Variants in NLRP8 observed in about 807,000 individuals in gnomAD.
NLRP8 encodes NLR family pyrin domain containing 8, also known as NACHT, LRR and PYD domains-containing protein 8.
Under a neutral mutation model 88.7 loss-of-function variants are expected in NLRP8, and 86 were observed. The observed-to-expected ratio is 0.97, with a 90% CI of 0.81 to 1.16. The LOEUF (loss-of-function observed/expected upper bound fraction) is 1.16. Among genes scored for constraint, NLRP8 ranks in the 50% most tolerant of loss-of-function variants. The pLI, the probability that NLRP8 is intolerant of heterozygous loss-of-function variation, is 0.00. For missense variants in NLRP8, 1,342 were observed against 1,286.5 expected, an observed-to-expected ratio of 1.04 and a Z score of -0.66; for synonymous variants, 504 against 494.6, an observed-to-expected ratio of 1.02 and a Z score of -0.25.
intron 9 of NLRP8, among the ~76,000 whole-genome samples, chr19:55,980,532 G>A (rs1568469575): frequency 5.9e-5 from 9 of 152,202 alleles, no homozygotes. Context: ...ACTGGCTGGG[G>A]TTTGATGAGG....
chr19:55,972,675 C>T lies in NLRP8; in HGVS notation c.2535-977C>T, dbSNP rs188476977. Among the ~76,000 whole-genome samples, 72 of 151,834 alleles carry T rather than the reference C, an allele frequency of 4.7e-4. No individual in the cohort carries two copies. In the South Asian group the frequency reaches 0.013, roughly 27 times the overall value. ...GCTCCCACATATGAGTGAGAACATA[C>T]GACGTTTGGTTTCCATTCCTGAGTT... is the stretch of plus-strand genomic sequence containing the variant. On this transcript the variant is annotated intron_variant, in intron 6 of 9. Coordinates refer to ENST00000291971, the MANE Select transcript of NLRP8 (RefSeq NM_176811.2).
intron 6 of NLRP8, among the ~76,000 whole-genome samples, chr19:55,973,305 G>A (rs567673771): frequency 6.6e-6 from 1 of 151,558 alleles, no homozygotes; most frequent in Non-Finnish European, 1.5e-5. Context: ...TTTTTTTCTT[G>A]CTGATTTGTT....
chr19:55,955,837 G>C lies in NLRP8; in HGVS notation c.1779G>C (p.Leu593=). The C allele has an allele frequency of 6.2e-7, 1 of 1,614,180 alleles. No homozygotes were observed. The highest frequency in any genetic ancestry group is 1.7e-5 in the Admixed American group (1 of 60,020). The change falls in exon 3 of 10, where the codon CTG becomes CTC. Residue 593 remains leucine, a synonymous_variant. Coordinates refer to ENST00000291971, the MANE Select transcript of NLRP8 (RefSeq NM_176811.2). ...GGAAACTGCTGAAAGTCATACCTCT[G>C]TTGCATAAATGTGACCCACCTTCTC...
rs1030417466 is a variant in NLRP8 at position 55,988,063 on chromosome 19, C to A, written c.*150C>A. On this transcript the variant is annotated 3_prime_UTR_variant, in exon 10 of 10. Coordinates refer to ENST00000291971, the MANE Select transcript of NLRP8 (RefSeq NM_176811.2). The stretch of plus-strand genomic sequence containing the variant: ...ACACCACAGAACCTCAGCTTTGAAC[C>A]CTGGAGTGAGGACGGTGATGCCCTG... 57 of 631,778 alleles carry A rather than the reference C, an allele frequency of 9.0e-5. No homozygotes were observed. Among genetic ancestry groups the A allele is most frequent in the Middle Eastern group, 3.5e-4 (1 of 2,830 alleles). The allele number at this position is 631,778 out of a possible 1,614,324, so 39.1% of individuals were successfully genotyped here.
intron 3 of NLRP8, among the ~76,000 whole-genome samples, chr19:55,961,443 G>C (rs1033429269): frequency 4.6e-5 from 7 of 151,928 alleles, no homozygotes; most frequent in African/African-American, 1.7e-4. Context: ...ATATACACAG[G>C]GTAAGAATGT....
intron 2 of NLRP8, among the ~76,000 whole-genome samples, chr19:55,953,158 A>T (rs1226157855): frequency 1.4e-4 from 21 of 151,986 alleles, no homozygotes; most frequent in Admixed American, 1.3e-3. Context: ...TTCTCATAGG[A>T]GTGCAAACCC....
chr19:55,980,084 T>A (rs1487471930), intron 9 of NLRP8, among the ~76,000 whole-genome samples: 1 of 152,210 alleles, frequency 6.6e-6, no homozygotes, highest in Non-Finnish European at 1.5e-5. Flanking sequence ...TCCTATCTGA[T>A]ATCTTCTTTC....
chr19:55,987,889 C>T lies in NLRP8; in HGVS notation c.3123C>T (p.Asp1041=). ...CACCCGACTTCACGGGAAAAAGTGA[C>T]TGCCTATCCCAGATTAATCCTTAGG... is the stretch of plus-strand genomic sequence containing the variant. Residue 1041 remains aspartate (D), a synonymous_variant, in exon 10 of 10, where the codon GAC becomes GAT. Transcript: ENST00000291971. 1 of 1,613,848 alleles carries T rather than the reference C, an allele frequency of 6.2e-7. No homozygotes were observed. Among genetic ancestry groups the T allele is most frequent in the East Asian group, 2.2e-5 (1 of 44,874 alleles).
At chr19:55,962,292 CA>C (rs1979649856) in intron 4 of NLRP8, 55 bp downstream of exon 4, 1 of 1,539,804 alleles carries the variant, frequency 6.5e-7, no homozygotes, top group Non-Finnish European at 8.8e-7. Context: ...GTCTGTTTCC[CA>C]TCCACTTTCT....
intron 9 of NLRP8, among the ~76,000 whole-genome samples, chr19:55,985,316 T>C (rs980121748): frequency 4.4e-5 from 6 of 137,256 alleles, no homozygotes; most frequent in Admixed American, 2.8e-4. Context: ...AAAATAAAAA[T>C]GAAAAAGAAA....
chr19:55,968,192 C>T (rs1600307879), intron 5 of NLRP8, among the ~76,000 whole-genome samples: 1 of 151,848 alleles, frequency 6.6e-6, no homozygotes, highest in African/African-American at 2.4e-5. Flanking sequence ...TAATCCCAGC[C>T]CTTTGGGAGG....
chr19:55,985,903 C>G (rs571748222), intron 9 of NLRP8, among the ~76,000 whole-genome samples: 1 of 152,120 alleles, frequency 6.6e-6, no homozygotes, highest in Non-Finnish European at 1.5e-5. Flanking sequence ...GTAGTCCCAG[C>G]TTCTCAGGAG....
At chr19:55,986,481 C>CACACAT (rs1555759196) in intron 9 of NLRP8, among the ~76,000 whole-genome samples, 1 of 144,488 alleles carries the variant, frequency 6.9e-6, no homozygotes, top group Non-Finnish European at 1.5e-5. Context: ...CATACACACA[C>CACACAT]ACACACACAC....
chr19:55,973,313 G>A (rs1038456194), intron 6 of NLRP8, among the ~76,000 whole-genome samples: 52 of 151,834 alleles, frequency 3.4e-4, no homozygotes, highest in African/African-American at 1.2e-3. Flanking sequence ...TTGCTGATTT[G>A]TTCTTTGTAG....
chr19:55,987,954 C>T lies in NLRP8; in HGVS notation c.*41C>T, dbSNP rs200326504. 1.4e-6 allele frequency: 2 copies of T among 1,464,150 alleles called. No individual in the cohort carries two copies. The highest frequency in any genetic ancestry group is 1.9e-6 in the Non-Finnish European group (2 of 1,043,758). The allele number at this position is 1,464,150 out of a possible 1,614,324, so 90.7% of individuals were successfully genotyped here. Reference sequence around the variant, plus strand: ...TTCTCTGGGGCTTGATTGATCAGTTCCCACTCTGACAACTGGCAAATACCA... The same window carrying T: ...TTCTCTGGGGCTTGATTGATCAGTTTCCACTCTGACAACTGGCAAATACCA... On this transcript the variant is annotated 3_prime_UTR_variant, in exon 10 of 10. Coordinates refer to ENST00000291971, the MANE Select transcript of NLRP8 (RefSeq NM_176811.2).
rs527337907 is a variant in NLRP8 at position 55,988,099 on chromosome 19, T to C, written c.*186T>C. The C allele has an allele frequency of 6.4e-4, 350 of 544,068 alleles. No homozygotes were observed. The highest frequency in any genetic ancestry group is 1.1e-3 in the Non-Finnish European group (318 of 298,518). 33.7% of individuals were successfully genotyped at this position (544,068 alleles called of 1,614,324 possible). A position where few individuals can be genotyped will look rare whatever the true frequency, so the allele number is the denominator to read the frequency against. On this transcript the variant is annotated 3_prime_UTR_variant, in exon 10 of 10. Coordinates refer to ENST00000291971, the MANE Select transcript of NLRP8 (RefSeq NM_176811.2). ...GACGGTGATGCCCTGTGTGTATTAA[T>C]ATGCTATGTAAGGCTGGGCGTGGTG...
rs10402790 is a variant in NLRP8, at chr19:55,950,311, C to T, written c.367+2042C>T. On this transcript the variant is annotated intron_variant, in intron 1 of 9. Coordinates refer to ENST00000291971, the MANE Select transcript of NLRP8 (RefSeq NM_176811.2). Reference sequence around the variant, plus strand: ...ACGGGTGCCTGTAATCCCAGCTATTCGGGAGGCTAAGGCAAGAGAATTGCT... The same window carrying T: ...ACGGGTGCCTGTAATCCCAGCTATTTGGGAGGCTAAGGCAAGAGAATTGCT... 2.6e-3 allele frequency among the ~76,000 whole-genome samples: 393 copies of T among 150,620 alleles called. 3 individuals are homozygous for T. The highest frequency in any genetic ancestry group is 9.2e-3 in the African/African-American group (373 of 40,674).
rs570621026 is a variant in NLRP8, at chr19:55,961,772, T to C, written c.2043-295T>C. On this transcript the variant is annotated intron_variant, in intron 3 of 9. Transcript: ENST00000291971. ...GTGTTCAGACCACTATACTCCAGCCTGGGCGGCAGAGTGATACCTTGTCTC... is the reference window on the plus strand; with the variant it reads ...GTGTTCAGACCACTATACTCCAGCCCGGGCGGCAGAGTGATACCTTGTCTC... Among the ~76,000 whole-genome samples the C allele has an allele frequency of 5.3e-5, 8 of 152,330 alleles. No individual in the cohort carries two copies. The East Asian group carries it at 1.5e-3, about 29-fold the overall frequency.
chr19:55,948,749 AT>A (rs1418676735), intron 1 of NLRP8, among the ~76,000 whole-genome samples: 1 of 152,086 alleles, frequency 6.6e-6, no homozygotes, highest in African/African-American at 2.4e-5. Context: ...ATATGGGCCT[AT>A]TTTTTAAAAA....
Sources: gnomAD v4.1 joint callset for allele counts (sites outside exome capture counted in the v4.1 genomes callset) on GRCh38, gnomAD v4.1.1 for gene constraint, MANE v1.5 for transcripts, NCBI Gene and HGNC (gene_info 2026-07-23, HGNC 2026-07-21) for gene names.